The following AGRN variants were observed in gnomAD, a reference collection of about 807,000 sequenced individuals.
AGRN encodes the protein agrin proteoglycan.
In AGRN, 106 loss-of-function variants were observed where a neutral mutation model predicts 211.0. The observed-to-expected ratio is 0.50, with a 90% CI of 0.43 to 0.59. The LOEUF is 0.59. AGRN is among the 20% of genes least tolerant of loss of function. The pLI, the probability that AGRN is intolerant of heterozygous loss-of-function variation, is 0.00. For missense variants in AGRN, 3,040 were observed against 2,982.6 expected, an observed-to-expected ratio of 1.02 and a Z score of -0.45; for synonymous variants, 1,525 against 1,332.5, an observed-to-expected ratio of 1.14 and a Z score of -3.15.
intron 2 of AGRN, among the ~76,000 whole-genome samples, chr1:1,028,173 G>A (rs945071776): frequency 2.0e-5 from 3 of 152,190 alleles, no homozygotes; most frequent in Non-Finnish European, 2.9e-5. Context: ...GCAGAGAACC[G>A]TGGGAGAAAG....
chr1:1,054,481 T>C lies in AGRN; in HGVS notation c.5910T>C (p.Asn1970=), dbSNP rs762511198. The C allele has an allele frequency of 6.2e-7, 1 of 1,601,082 alleles. No individual in the cohort carries two copies. Among genetic ancestry groups the C allele is most frequent in the South Asian group, 1.1e-5 (1 of 88,594 alleles). The change falls in exon 35 of 36, where the codon AAT becomes AAC. Residue 1970 remains asparagine, a synonymous_variant. Transcript: ENST00000379370. ...GGGAAGGTTCCCTGCAGGTGGGCAA[T>C]GAGGCCCCTGTGACCGGCTCCTCCC... ...EQREGSLQVG[N]EAPVTGSSPL...
Position 1,043,230 on chromosome 1 carries a change from C to A in AGRN, c.1385-9C>A, listed in dbSNP as rs1235479260. On this transcript the variant is annotated splice_polypyrimidine_tract_variant and intron_variant, in intron 7 of 35. Transcript: ENST00000379370. Reference sequence around the variant, plus strand: ...TTGTGGGACCACTGAGCCCCTGTGTCCTTCCCAGACCAGGCCCCGTCCCCA... The same window carrying A: ...TTGTGGGACCACTGAGCCCCTGTGTACTTCCCAGACCAGGCCCCGTCCCCA... 5 of 1,594,940 alleles carry A rather than the reference C, an allele frequency of 3.1e-6. No homozygotes were observed. The East Asian group carries it at 9.1e-5, about 29-fold the overall frequency.
Position 1,051,299 on chromosome 1 carries a change from G to A in AGRN, c.5300G>A (p.Gly1767Asp), listed in dbSNP as rs143031281. The A allele has an allele frequency of 5.7e-5, 89 of 1,573,436 alleles. No homozygotes were observed. The highest frequency in any genetic ancestry group is 7.5e-5 in the Non-Finnish European group (87 of 1,160,340). ...LNLKEPLYVG[G>D]APDFSKLARA... ...CTGAAGGAGCCGCTCTACGTAGGGG[G>A]CGCTCCCGACTTCAGCAAGCTGGCC... The change falls in exon 31 of 36, where the codon GGC becomes GAC. Residue 1767 changes from glycine (G) to aspartate (D), a missense_variant. This residue lies in a region of AGRN where 1,537 missense variants were observed against 1,505.0 expected (regional missense o/e 1.02). Coordinates refer to ENST00000379370, the MANE Select transcript of AGRN (RefSeq NM_198576.4).
At position 1,055,061 on chromosome 1, in the gene AGRN, C is replaced by G; in HGVS notation, c.*80C>G. 1 of 1,531,286 alleles carries G rather than the reference C, an allele frequency of 6.5e-7. No homozygotes were observed. Among genetic ancestry groups the G allele is most frequent in the Non-Finnish European group, 8.8e-7 (1 of 1,142,418 alleles). The allele number at this position is 1,531,286 out of a possible 1,614,324, so 94.9% of individuals were successfully genotyped here. On this transcript the variant is annotated 3_prime_UTR_variant, in exon 36 of 36. Transcript: ENST00000379370. ...TTGCTTTTTGATATGATTTTCTTGC[C>G]TGAGTGTTGGCCGGAGGGACTGCTG...
intron 4 of AGRN, 80 bp from the exon 5 acceptor site, chr1:1,041,093 C>T (rs1644920162): frequency 1.4e-6 from 1 of 695,088 alleles, no homozygotes; most frequent in Non-Finnish European, 1.8e-6. Flanking sequence ...TGGGAGGGGC[C>T]TGGGGGGCGG....
chr1:1,030,444 CTG>C (rs1220348814), intron 2 of AGRN, among the ~76,000 whole-genome samples: 7 of 22,886 alleles, frequency 3.1e-4, no homozygotes, highest in Admixed American at 2.2e-3. Context: ...GTGCATGGTG[CTG>C]TGTGAGATCA....
rs28640190 is a variant in AGRN at position 1,044,783 on chromosome 1, G to C, written c.2254+344G>C. On this transcript the variant is annotated intron_variant, in intron 12 of 35. Coordinates refer to ENST00000379370, the MANE Select transcript of AGRN (RefSeq NM_198576.4). ...GTGGTGCCCGGTGTGTGTGATGCGC[G>C]TGCACAGATGTGTGTCTGCAGAGGG... Among the ~76,000 whole-genome samples the C allele has an allele frequency of 7.9e-5, 12 of 152,314 alleles. No homozygotes were observed. The East Asian group carries it at 1.3e-3, about 17-fold the overall frequency.
rs755949709 is a variant in AGRN, at chr1:1,022,379, C to G, written c.380C>G (p.Ala127Gly). 6.8e-6 allele frequency: 11 copies of G among 1,613,252 alleles called. No homozygotes were observed. The South Asian group carries it at 1.2e-4, about 18-fold the overall frequency. Residue 127 changes from alanine (A) to glycine (G), a missense_variant, in exon 2 of 36, where the codon GCC becomes GGC. Transcript: ENST00000379370. Reference protein sequence around the residue: ...VNPAPPYLWPAHKNELMLNSS... With the variant: ...VNPAPPYLWPGHKNELMLNSS... ...CCTGCACCCCCATACCTGTGGCCAG[C>G]CCACAAGAACGAGCTGATGCTCAAC...
intron 3 of AGRN, among the ~76,000 whole-genome samples, chr1:1,036,774 CT>C (rs1182876512): frequency 6.6e-6 from 1 of 152,196 alleles, no homozygotes; most frequent in Non-Finnish European, 1.5e-5. Context: ...CACCAGGCTT[CT>C]CTTGGACTGT....
At chr1:1,054,744 C>T in intron 35 of AGRN, 80 bp from the exon 36 acceptor site, 1 of 1,526,376 alleles carries the variant, frequency 6.6e-7, no homozygotes, top group Non-Finnish European at 8.8e-7. Flanking sequence ...GTGTGGGCCC[C>T]CTGCTGGTCA....
At chr1:1,044,817 T>C (rs1171182318) in intron 12 of AGRN, among the ~76,000 whole-genome samples, 1 of 152,218 alleles carries the variant, frequency 6.6e-6, no homozygotes, top group Non-Finnish European at 1.5e-5. Flanking sequence ...GGGCGTTAAC[T>C]GTACGGTTTG....
chr1:1,045,589 GCTT>G (rs2100654687), intron 14 of AGRN, 66 bp downstream of exon 14: 1 of 1,604,896 alleles, frequency 6.2e-7, no homozygotes, highest in South Asian at 1.1e-5. Flanking sequence ...CCATCACTGT[GCTT>G]CTCCTCACCT....
Position 1,041,521 on chromosome 1 carries a change from T to G in AGRN, c.996T>G (p.Arg332=). ...GALPDPSRSC[R]VNPRTRRPEM... ...TCCCTGACCCGAGCCGCAGCTGCCG[T>G]GTGAACCCGCGCACGCGGCGCCCTG... Residue 332 remains arginine (R), a synonymous_variant, in exon 6 of 36, where the codon CGT becomes CGG. Transcript: ENST00000379370. The G allele has an allele frequency of 1.9e-6, 3 of 1,602,356 alleles. No individual in the cohort carries two copies. Among genetic ancestry groups the G allele is most frequent in the Non-Finnish European group, 1.7e-6 (2 of 1,178,802 alleles).
chr1:1,022,261 G>T lies in AGRN; in HGVS notation c.262G>T (p.Gly88Cys), dbSNP rs781159362. 5 of 1,613,218 alleles carry T rather than the reference G, an allele frequency of 3.1e-6. No individual in the cohort carries two copies. The South Asian group carries it at 5.5e-5, about 18-fold the overall frequency. The change falls in exon 2 of 36, where the codon GGC becomes TGC. Residue 88 changes from glycine (G) to cysteine (C), a missense_variant. By Grantham distance (159) the Gly-to-Cys change is radical (BLOSUM62 -3). Transcript: ENST00000379370. ...DLVARESLLD[G>C]GNKVVISGFG... ...GGTGGCCCGGGAGAGCCTGCTGGAC[G>T]GCGGCAACAAGGTGGTGATCAGCGG...
At chr1:1,040,613 A>ACGTGGGTACGCC in intron 3 of AGRN, 52 bp from the exon 4 acceptor site, 1 of 1,529,062 alleles carries the variant, frequency 6.5e-7, no homozygotes, top group Non-Finnish European at 8.8e-7. Context: ...AGGCTTGTGG[A>ACGTGGGTACGCC]CGTGGGTACG....
intron 7 of AGRN, among the ~76,000 whole-genome samples, chr1:1,042,796 TGTG>T (rs1644981416): frequency 1.3e-5 from 2 of 151,924 alleles, no homozygotes; most frequent in Admixed American, 6.5e-5. Context: ...TGCCTGGCCT[TGTG>T]GTCCTCAGAG....
Position 1,020,144 on chromosome 1 carries a change from G to A in AGRN, c.-29G>A. The A allele has an allele frequency of 8.6e-7, 1 of 1,161,948 alleles. No homozygotes were observed. 72.0% of individuals were successfully genotyped at this position (1,161,948 alleles called of 1,614,324 possible). A position where few individuals can be genotyped will look rare whatever the true frequency, so the allele number is the denominator to read the frequency against. Reference sequence around the variant, plus strand: ...CAGTCCCGTCCCCGGCGCGGCCCGCGCGCTCCTCCGCCGCCTCTCGCCTGC... The same window carrying A: ...CAGTCCCGTCCCCGGCGCGGCCCGCACGCTCCTCCGCCGCCTCTCGCCTGC... On this transcript the variant is annotated 5_prime_UTR_variant, in exon 1 of 36. Transcript: ENST00000379370.
chr1:1,043,784 C>G (rs529233907), intron 9 of AGRN, 39 bp from the exon 10 acceptor site: 18 of 1,606,814 alleles, frequency 1.1e-5, no homozygotes, highest in Non-Finnish European at 1.5e-5. Flanking sequence ...CTCCCTCAGC[C>G]TGGGCCTGCC....
rs141603403 is a variant in AGRN, at chr1:1,044,122, C to T, written c.2013C>T (p.Ser671=). The stretch of plus-strand genomic sequence containing the variant: ...CCTTCCCCGCAGCCGAGTGCGGTTC[C>T]GGAGGCTCTGGCTCTGGGGAGGACG... The part of the protein sequence containing the change: ...AGPCEQAECG[S]GGSGSGEDGD... Residue 671 remains serine, a synonymous_variant, in exon 11 of 36, where the codon TCC becomes TCT. Transcript: ENST00000379370. 255 of 1,613,268 alleles carry T rather than the reference C, an allele frequency of 1.6e-4. 1 individual carries two copies. In the African/African-American group the frequency reaches 3.1e-3, roughly 19 times the overall value.
Sources: gnomAD v4.1 joint callset for allele counts (sites outside exome capture counted in the v4.1 genomes callset) on GRCh38, gnomAD v4.1.1 for gene constraint, gnomAD v4.1.1 regional missense constraint, MANE v1.5 for transcripts, NCBI Gene and HGNC (gene_info 2026-07-23, HGNC 2026-07-21) for gene names.